Variants in RBM4B observed in about 807,000 individuals in gnomAD.
RBM4B encodes RNA binding motif protein 4B, also known as RNA-binding protein 4B.
Under a neutral mutation model 28.5 loss-of-function variants are expected in RBM4B, and 13 were observed. The ratio of observed to expected loss-of-function variants is 0.46; its 90% confidence interval spans 0.30 to 0.72. The LOEUF is 0.72. Among genes scored for constraint, RBM4B ranks in the 30% least tolerant of loss-of-function variants. The pLI is 0.09. For missense variants in RBM4B, 387 were observed against 477.6 expected, an observed-to-expected ratio of 0.81 and a Z score of 1.77; for synonymous variants, 167 against 179.1, an observed-to-expected ratio of 0.93 and a Z score of 0.54.
intron 2 of RBM4B, among the ~76,000 whole-genome samples, chr11:66,672,149 G>C (rs1939479323): frequency 6.6e-6 from 1 of 151,786 alleles, no homozygotes; most frequent in South Asian, 2.1e-4. Context: ...GCTCATATCT[G>C]TAATCCCAGC....
rs187300177 is a variant in RBM4B, at chr11:66,675,570, T to C, written c.412+1098A>G. The C allele has an allele frequency of 1.2e-4, 19 of 152,362 alleles. No individual in the cohort carries two copies. In the East Asian group the frequency reaches 3.3e-3, roughly 26 times the overall value. The allele number at this position is 152,362 out of a possible 1,614,324, so 9.4% of individuals were successfully genotyped here. A position where few individuals can be genotyped will look rare whatever the true frequency, so the allele number is the denominator to read the frequency against. On this transcript the variant is annotated intron_variant, in intron 2 of 3. Coordinates refer to ENST00000310046, the MANE Select transcript of RBM4B (RefSeq NM_031492.4). ...CCATTATTTTTCTCATTTTGTTTTT[T>C]AGTTTTAATAGAAGACCCAAAAGTA...
At chr11:66,674,875 T>G (rs1296754928) in intron 2 of RBM4B, among the ~76,000 whole-genome samples, 1 of 152,174 alleles carries the variant, frequency 6.6e-6, no homozygotes, top group Non-Finnish European at 1.5e-5. Context: ...CTGCCTGTAT[T>G]AAATATATTT....
At chr11:66,667,133 C>G (rs1939266687) in intron 3 of RBM4B, 1 of 152,186 alleles carries the variant, frequency 6.6e-6, no homozygotes, top group Non-Finnish European at 1.5e-5. Context: ...TAGTAACTCA[C>G]TTTAACCTTG....
rs1939185583 is a variant in RBM4B at position 66,665,304 on chromosome 11, T to C, written c.*284A>G. 2.1e-6 allele frequency: 1 copy of C among 479,010 alleles called. No individual in the cohort carries two copies. Among genetic ancestry groups the C allele is most frequent in the African/African-American group, 2.0e-5 (1 of 50,490 alleles). 29.7% of individuals were successfully genotyped at this position (479,010 alleles called of 1,614,324 possible). On this transcript the variant is annotated 3_prime_UTR_variant, in exon 4 of 4. Coordinates refer to ENST00000310046, the MANE Select transcript of RBM4B (RefSeq NM_031492.4). ...CTAGGGAAAGCAAGATAAGAGGGGTTCCACTGCACAGGAAAAAGGGGATGC... is the reference window on the plus strand; with the variant it reads ...CTAGGGAAAGCAAGATAAGAGGGGTCCCACTGCACAGGAAAAAGGGGATGC...
In RBM4B at chr11:66,672,738, C is replaced by T. The variant is rs1355820424; in HGVS notation, c.413-3447G>A. 2.6e-5 allele frequency among the ~76,000 whole-genome samples: 4 copies of T among 152,124 alleles called. No homozygotes were observed. In the East Asian group the frequency reaches 5.8e-4, roughly 22 times the overall value. ...TCTCGAACTCCTGACCTCAGGTGAT[C>T]CGCCTGTCTCGGCCTCCCAAAGGGC... On this transcript the variant is annotated intron_variant, in intron 2 of 3. Transcript: ENST00000310046.
In RBM4B at chr11:66,669,125, T is replaced by C. The variant is rs150762625; in HGVS notation, c.579A>G (p.Gln193=). ...TGTAAGGTGTTCGAACTGCTCCATA[T>C]TGTTCATTATACTGCTCAGTAAAGT... is the stretch of plus-strand genomic sequence containing the variant. The part of the protein sequence containing the change: ...VADFTEQYNE[Q]YGAVRTPYTM... Residue 193 remains glutamine (Q), a synonymous_variant, in exon 3 of 4, where the codon CAA becomes CAG. Coordinates refer to ENST00000310046, the MANE Select transcript of RBM4B (RefSeq NM_031492.4). 3.5e-5 allele frequency: 57 copies of C among 1,614,176 alleles called. No homozygotes were observed. In the South Asian group the frequency reaches 4.3e-4, roughly 12 times the overall value.
chr11:66,669,075 T>C lies in RBM4B; in HGVS notation c.629A>G (p.Tyr210Cys). Residue 210 changes from tyrosine (Y) to cysteine (C), a missense_variant, in exon 3 of 4, where the codon TAT becomes TGT. This residue lies in a region of RBM4B where 226 missense variants were observed against 220.6 expected (regional missense o/e 1.02). Transcript: ENST00000310046. ...PYTMGYGESM[Y>C]YNDAYGALDY... ...GAGTGCTCCATATGCATCGTTGTAATACATGGATTCCCCGTAGCCCATGGT... is the reference window on the plus strand; with the variant it reads ...GAGTGCTCCATATGCATCGTTGTAACACATGGATTCCCCGTAGCCCATGGT... 6.2e-7 allele frequency: 1 copy of C among 1,614,176 alleles called. No homozygotes were observed. Among genetic ancestry groups the C allele is most frequent in the Non-Finnish European group, 8.5e-7 (1 of 1,180,028 alleles).
intron 2 of RBM4B, chr11:66,670,936 C>A (rs1939443222): frequency 2.8e-6 from 2 of 702,548 alleles, no homozygotes; most frequent in Non-Finnish European, 5.2e-6. Flanking sequence ...TTTAACAGAC[C>A]TTCTTCTGGA....
chr11:66,676,699 G>A lies in RBM4B; in HGVS notation c.381C>T (p.Ala127=), dbSNP rs771957082. ...ACTCTGTGTTGTCAAGGCCCCTGAT[G>A]GCCTCCACTGCATCCTCTGCCCGCT... ...HMERAEDAVE[A]IRGLDNTEFQ... The change falls in exon 2 of 4, where the codon GCC becomes GCT. Residue 127 remains alanine, a synonymous_variant. Transcript: ENST00000310046. 4 of 1,613,868 alleles carry A rather than the reference G, an allele frequency of 2.5e-6. No individual in the cohort carries two copies. Among genetic ancestry groups the A allele is most frequent in the Admixed American group, 3.3e-5 (2 of 59,986 alleles).
At position 66,669,207 on chromosome 11, in the gene RBM4B, C is replaced by A; in HGVS notation, c.497G>T (p.Gly166Val). 6.2e-7 allele frequency: 1 copy of A among 1,614,172 alleles called. No homozygotes were observed. The highest frequency in any genetic ancestry group is 8.5e-7 in the Non-Finnish European group (1 of 1,180,042). ...MGDQSGCYRC[G>V]KEGHWSKECP... Reference sequence around the variant, plus strand: ...CTCTTTGGACCAGTGCCCTTCTTTCCCACACCGATAGCAGCCACTCTGGTC... The same window carrying A: ...CTCTTTGGACCAGTGCCCTTCTTTCACACACCGATAGCAGCCACTCTGGTC... The change falls in exon 3 of 4, where the codon GGG becomes GTG. Residue 166 changes from glycine to valine, a missense_variant. By Grantham distance (109) the Gly-to-Val change is moderately radical. Transcript: ENST00000310046.
chr11:66,674,773 T>C (rs1939590892), intron 2 of RBM4B, among the ~76,000 whole-genome samples: 1 of 151,110 alleles, frequency 6.6e-6, no homozygotes, highest in African/African-American at 2.4e-5. Flanking sequence ...TTTCACCATG[T>C]TGGCCAGGCT....
chr11:66,671,461 T>C (rs2135242192), intron 2 of RBM4B, among the ~76,000 whole-genome samples: 1 of 152,300 alleles, frequency 6.6e-6, no homozygotes, highest in African/African-American at 2.4e-5. Context: ...TATACTCCAA[T>C]TGTGAAGTCA....
At chr11:66,677,177 G>A (rs1939665691) in intron 1 of RBM4B, 86 bp from the exon 2 acceptor site, 9 of 1,484,448 alleles carry the variant, frequency 6.1e-6, no homozygotes, top group Non-Finnish European at 8.2e-6. Context: ...ATCCTCCAAA[G>A]TTCTTGCACC....
rs532179892 is a variant in RBM4B at position 66,668,569 on chromosome 11, A to G, written c.*9+46T>C. Reference sequence around the variant, plus strand: ...CTTTTATGAAGCATGGGTCTCTTTCAAGGGAACTAAATGGAATCTTTTAAC... The same window carrying G: ...CTTTTATGAAGCATGGGTCTCTTTCGAGGGAACTAAATGGAATCTTTTAAC... On this transcript the variant is annotated intron_variant, in intron 3 of 3. Transcript: ENST00000310046. 38 of 1,485,268 alleles carry G rather than the reference A, an allele frequency of 2.6e-5. No individual in the cohort carries two copies. The African/African-American group carries it at 4.6e-4, about 18-fold the overall frequency. 92.0% of individuals were successfully genotyped at this position (1,485,268 alleles called of 1,614,324 possible).
rs1450066965 is a variant in RBM4B, at chr11:66,668,734, G to A, written c.970C>T (p.Pro324Ser). 1 of 1,614,148 alleles carries A rather than the reference G, an allele frequency of 6.2e-7. No homozygotes were observed. Among genetic ancestry groups the A allele is most frequent in the East Asian group, 2.2e-5 (1 of 44,892 alleles). ...PTVGEGYGYG[P>S]ESELSQASAA... ...GAAGCCTGAGATAATTCACTCTCTG[G>A]CCCATAACCGTAGCCCTCTCCAACT... Residue 324 changes from proline to serine, a missense_variant, in exon 3 of 4, where the codon CCA becomes TCA. Transcript: ENST00000310046.
At chr11:66,671,037 C>T in intron 2 of RBM4B, 2 of 702,392 alleles carry the variant, frequency 2.8e-6, no homozygotes, top group South Asian at 3.0e-5. Flanking sequence ...CATGCACTGA[C>T]CCTGAGAGGG....
Position 66,676,904 on chromosome 11 carries a change from T to C in RBM4B, c.176A>G (p.Lys59Arg), listed in dbSNP as rs1485844766. The change falls in exon 2 of 4, where the codon AAG (lysine) becomes AGG (arginine). Residue 59 changes from lysine (K) to arginine (R), a missense_variant. Physicochemically the swap from Lys to Arg is conservative, Grantham distance 26. Around this residue, in one of 2 missense-constraint regions of RBM4B, gnomAD observed 161 missense variants for 256.9 expected, o/e 0.63. Coordinates refer to ENST00000310046, the MANE Select transcript of RBM4B (RefSeq NM_031492.4). ...EDAIRNLHHY[K>R]LHGVNINVEA... is the part of the protein sequence containing the mutation. The stretch of plus-strand genomic sequence containing the variant: ...CACGTTGATGTTCACCCCATGAAGC[T>C]TGTAATGGTGCAGGTTGCGTATGGC... 2.5e-6 allele frequency: 4 copies of C among 1,614,072 alleles called. No individual in the cohort carries two copies. The highest frequency in any genetic ancestry group is 2.5e-6 in the Non-Finnish European group (3 of 1,180,046).
chr11:66,665,692 C>T lies in RBM4B; in HGVS notation c.*10-114G>A, dbSNP rs969989428. On this transcript the variant is annotated intron_variant, in intron 3 of 3. Transcript: ENST00000310046. ...TCCGGGGGGAAAAAAAAGAACAAAACAAAACCAAGTCAGACTGGATCTAAC... is the reference window on the plus strand; with the variant it reads ...TCCGGGGGGAAAAAAAAGAACAAAATAAAACCAAGTCAGACTGGATCTAAC... 3.0e-5 allele frequency: 45 copies of T among 1,500,410 alleles called. No homozygotes were observed. In the Admixed American group the frequency reaches 9.2e-4, roughly 31 times the overall value. The allele number at this position is 1,500,410 out of a possible 1,614,324, so 92.9% of individuals were successfully genotyped here.
At chr11:66,677,378 G>C (rs1939674131) in intron 1 of RBM4B, 1 of 464,088 alleles carries the variant, frequency 2.2e-6, no homozygotes, top group African/African-American at 2.0e-5. Context: ...CTTAAAATGA[G>C]GGAAGAGAAA....
Sources: allele counts gnomAD v4.1 joint callset (sites outside exome capture counted in the v4.1 genomes callset), GRCh38; gene constraint gnomAD v4.1.1; regional missense constraint gnomAD v4.1.1; transcripts MANE v1.5; gene names NCBI Gene and HGNC (gene_info 2026-07-23, HGNC 2026-07-21).